The following CSMD1 variants were observed in gnomAD, a reference collection of about 807,000 sequenced individuals.
CSMD1 encodes CUB and sushi domain-containing protein 1.
A neutral mutation model predicts 417.5 loss-of-function variants in CSMD1; 213 were observed. The ratio of observed to expected loss-of-function variants is 0.51; its 90% CI spans 0.46 to 0.57. The LOEUF (loss-of-function observed/expected upper bound fraction) is 0.57. Among genes scored for constraint, CSMD1 ranks in the 20% least tolerant of loss-of-function variants. The pLI is 0.00. For missense variants in CSMD1, 6,923 were observed against 4,529.7 expected (o/e 1.53, Z -15.17); for synonymous variants, 2,862 against 1,736.8 (o/e 1.65, Z -16.11).
At chr8:3,694,819 G>A (rs899165588) in intron 7 of CSMD1, among the ~76,000 whole-genome samples, 1 of 151,894 alleles carries the variant, frequency 6.6e-6, no homozygotes. Flanking sequence ...CCAGGGGAAC[G>A]CGGCAAGGAA....
intron 1 of CSMD1, among the ~76,000 whole-genome samples, chr8:4,970,581 ATT>A (rs369448922): frequency 4.8e-4 from 72 of 151,372 alleles, no homozygotes; most frequent in African/African-American, 1.7e-3. Context: ...AATGATCTTG[ATT>A]TTTTTTTACC....
At chr8:3,537,014 C>A (rs1386792207) in intron 10 of CSMD1, among the ~76,000 whole-genome samples, 1 of 151,822 alleles carries the variant, frequency 6.6e-6, no homozygotes. Flanking sequence ...TCTTTCTTTT[C>A]TTTTTTTTGA....
At chr8:3,838,303 A>C (rs1318716435) in intron 5 of CSMD1, among the ~76,000 whole-genome samples, 1 of 151,956 alleles carries the variant, frequency 6.6e-6, no homozygotes, top group East Asian at 1.9e-4. Flanking sequence ...TTGGGAGGCA[A>C]GGCAGGAGGA....
At chr8:3,758,085 T>C (rs183347533) in intron 5 of CSMD1, among the ~76,000 whole-genome samples, 2,282 of 152,164 alleles carry the variant, frequency 0.015, 24 homozygotes, top group South Asian at 0.028. Flanking sequence ...TGCCTCAGCC[T>C]CCTGAGTAGC....
At chr8:3,890,813 G>C (rs1806921643) in intron 5 of CSMD1, among the ~76,000 whole-genome samples, 1 of 152,088 alleles carries the variant, frequency 6.6e-6, no homozygotes, top group East Asian at 1.9e-4. Flanking sequence ...CTAAAATATA[G>C]TAATATCTGT....
chr8:2,972,262 T>G (rs1477614110), intron 57 of CSMD1, among the ~76,000 whole-genome samples: 1 of 152,170 alleles, frequency 6.6e-6, no homozygotes, highest in Non-Finnish European at 1.5e-5. Flanking sequence ...GAAACTCAAG[T>G]TAAATTTCTC....
intron 6 of CSMD1, among the ~76,000 whole-genome samples, chr8:3,735,301 T>C (rs995293944): frequency 4.7e-5 from 6 of 128,558 alleles, no homozygotes; most frequent in African/African-American, 1.0e-4. Context: ...TATGGCAAGA[T>C]AAAAAACAAA....
At chr8:3,673,276 T>C (rs901183138) in intron 7 of CSMD1, among the ~76,000 whole-genome samples, 1 of 152,178 alleles carries the variant, frequency 6.6e-6, no homozygotes, top group African/African-American at 2.4e-5. Context: ...GTCCTCTTTT[T>C]CTCAAATCCG....
intron 27 of CSMD1, among the ~76,000 whole-genome samples, chr8:3,225,478 G>A (rs534823251): frequency 1.2e-4 from 18 of 152,070 alleles, no homozygotes; most frequent in African/African-American, 4.3e-4. Flanking sequence ...AATCACGCCG[G>A]GGCTGCTGAC....
At chr8:3,167,576 A>G (rs1192868748) in intron 37 of CSMD1, among the ~76,000 whole-genome samples, 2 of 152,216 alleles carry the variant, frequency 1.3e-5, no homozygotes, top group Admixed American at 6.5e-5. Context: ...TTCAATTCCA[A>G]TGTTAAAATT....
intron 49 of CSMD1, among the ~76,000 whole-genome samples, chr8:3,066,382 A>C (rs1812938009): frequency 6.6e-6 from 1 of 152,238 alleles, no homozygotes; most frequent in Non-Finnish European, 1.5e-5. Flanking sequence ...AGATACAGAG[A>C]ATCAGTGACA....
rs965194578 is a variant in CSMD1, at chr8:3,018,534, G to C, written c.7972C>G (p.His2658Asp). ...CCATTTGCCAAGCACTCTCTGACAT[G>C]AGACCCCACAAGCGTGTAGCCGGTG... is the stretch of plus-strand genomic sequence containing the variant. The part of the protein sequence containing the change: ...CNTGYTLVGS[H>D]VRECLANGLW... Residue 2658 changes from histidine (H) to aspartate (D), a missense_variant, in exon 52 of 70, where the codon CAT becomes GAT. His to Asp is a moderately conservative substitution (Grantham distance 81). Transcript: ENST00000635120. The C allele has an allele frequency of 1.2e-6, 2 of 1,613,680 alleles. No individual in the cohort carries two copies. Among genetic ancestry groups the C allele is most frequent in the Non-Finnish European group, 1.7e-6 (2 of 1,179,858 alleles).
At chr8:4,681,765 G>T (rs1260266369) in intron 1 of CSMD1, among the ~76,000 whole-genome samples, 1 of 152,064 alleles carries the variant, frequency 6.6e-6, no homozygotes, top group African/African-American at 2.4e-5. Flanking sequence ...CCTCTGAAAA[G>T]ATAAAGAGGT....
intron 3 of CSMD1, among the ~76,000 whole-genome samples, chr8:4,142,598 T>A (rs34358453): frequency 0.3 from 45,374 of 151,036 alleles, 8,494 homozygotes; most frequent in Non-Finnish European, 0.39. Context: ...TTTTTTCAAT[T>A]GCTAGCTTAG....
chr8:3,494,214 A>C (rs540355305), intron 10 of CSMD1, among the ~76,000 whole-genome samples: 1 of 152,314 alleles, frequency 6.6e-6, no homozygotes, highest in South Asian at 2.1e-4. Flanking sequence ...CTCTATATTT[A>C]GTCTTGCAAA....
chr8:2,984,048 G>GA (rs1256954667), intron 54 of CSMD1, among the ~76,000 whole-genome samples: 7 of 151,850 alleles, frequency 4.6e-5, no homozygotes, highest in Non-Finnish European at 8.8e-5. Flanking sequence ...TAATTACTAA[G>GA]AAAAAAAATA....
At chr8:4,269,587 T>C (rs776452741) in intron 3 of CSMD1, among the ~76,000 whole-genome samples, 13 of 152,212 alleles carry the variant, frequency 8.5e-5, no homozygotes, top group Non-Finnish European at 1.6e-4. Flanking sequence ...TTTGAAAGCA[T>C]CCTTCACATA....
rs1158579853 is a variant in CSMD1, at chr8:3,511,166, T to A, written c.1345-17440A>T. On this transcript the variant is annotated intron_variant, in intron 10 of 69. Transcript: ENST00000635120. ...AACACTGCATGTTCTCAGTAATAAG[T>A]GGGAGTTGAACAATGAGGACACAAG... Among the ~76,000 whole-genome samples, 5 of 151,388 alleles carry A rather than the reference T, an allele frequency of 3.3e-5. 1 individual carries two copies. Among genetic ancestry groups the A allele is most frequent in the Admixed American group, 2.6e-4 (4 of 15,244 alleles).
intron 49 of CSMD1, among the ~76,000 whole-genome samples, chr8:3,062,232 T>C (rs1228901514): frequency 6.6e-6 from 1 of 152,150 alleles, no homozygotes; most frequent in African/African-American, 2.4e-5. Flanking sequence ...AAACATCTTA[T>C]TTGACATGTA....
Sources: allele counts gnomAD v4.1 joint callset (sites outside exome capture counted in the v4.1 genomes callset), GRCh38; gene constraint gnomAD v4.1.1; transcripts MANE v1.5; gene names NCBI Gene and HGNC (gene_info 2026-07-23, HGNC 2026-07-21).